The following SPART variants were observed in gnomAD, a reference collection of about 807,000 sequenced individuals.
The protein encoded by SPART is spastic paraplegia 20 (Troyer syndrome).
Under a neutral mutation model 58.7 loss-of-function variants are expected in SPART, and 35 were observed. That is an observed-to-expected ratio of 0.60 (90% CI 0.46 to 0.79). SPART has a LOEUF of 0.79. SPART is among the 30% of genes least tolerant of loss of function. SPART has a pLI of 0.00. For missense variants in SPART, 730 were observed against 786.1 expected, an observed-to-expected ratio of 0.93 and a Z score of 0.85; for synonymous variants, 284 against 280.7, an observed-to-expected ratio of 1.01 and a Z score of -0.12.
chr13:36,312,340 C>A lies in SPART; in HGVS notation c.1621G>T (p.Val541Leu). The change falls in exon 7 of 9, where the codon GTA becomes TTA. Residue 541 changes from valine to leucine, a missense_variant. Transcript: ENST00000438666. ...GKSPLDGAMV[V>L]AASSVQGFST... ...TTACCTTGAACACTACTTGCTGCTA[C>A]AACCATAGCACCATCCAGAGGAGAT... 1 of 1,614,102 alleles carries A rather than the reference C, an allele frequency of 6.2e-7. No homozygotes were observed. Among genetic ancestry groups the A allele is most frequent in the Non-Finnish European group, 8.5e-7 (1 of 1,179,992 alleles).
rs755382141 is a variant in SPART at position 36,335,226 on chromosome 13, T to C, written c.605A>G (p.Tyr202Cys). 2 of 1,614,100 alleles carry C rather than the reference T, an allele frequency of 1.2e-6. No individual in the cohort carries two copies. The highest frequency in any genetic ancestry group is 1.7e-6 in the Non-Finnish European group (2 of 1,180,020). The change falls in exon 2 of 9, where the codon TAT becomes TGT. Residue 202 changes from tyrosine to cysteine, a missense_variant. By Grantham distance (194) the Tyr-to-Cys change is radical. Transcript: ENST00000438666. ...AGGCGGTGGCTGAGAATGATTCCTATAAAACTCCTCTCCAACTGATGAAAA... is the reference window on the plus strand; with the variant it reads ...AGGCGGTGGCTGAGAATGATTCCTACAAAACTCCTCTCCAACTGATGAAAA... ...GEFSSVGEEFYRNHSQPPPLE... is the reference protein window; with the variant it reads ...GEFSSVGEEFCRNHSQPPPLE...
At chr13:36,306,239 C>A (rs1281462145) in intron 8 of SPART, among the ~76,000 whole-genome samples, 1 of 152,144 alleles carries the variant, frequency 6.6e-6, no homozygotes, top group Non-Finnish European at 1.5e-5. Context: ...CTCAGCATTC[C>A]ACAGGATTTG....
chr13:36,332,447 T>A (rs999534863), intron 2 of SPART, among the ~76,000 whole-genome samples: 5 of 152,162 alleles, frequency 3.3e-5, no homozygotes, highest in Admixed American at 2.6e-4. Flanking sequence ...GAAGTTGCAG[T>A]GAGCCAAGAT....
Position 36,314,421 on chromosome 13 carries a change from C to A in SPART, c.1289G>T (p.Gly430Val). 1.9e-6 allele frequency: 3 copies of A among 1,613,890 alleles called. No homozygotes were observed. Among genetic ancestry groups the A allele is most frequent in the East Asian group, 2.2e-5 (1 of 44,872 alleles). Reference protein sequence around the residue: ...SEKVAHNILSGASWVSWGLVK... With the variant: ...SEKVAHNILSVASWVSWGLVK... The stretch of plus-strand genomic sequence containing the variant: ...TAAACCCCAACTCACCCAGGAAGCA[C>A]CTTTTTAAAAGAAAATTTAAAATTG... Residue 430 changes from glycine to valine, a missense_variant and splice_region_variant, in exon 6 of 9, where the codon GGT becomes GTT. Physicochemically the swap from Gly to Val is moderately radical, Grantham distance 109. Transcript: ENST00000438666.
In SPART at chr13:36,331,537, C is replaced by A; in HGVS notation, c.870G>T (p.Ala290=). ...TTGTATCAGGAAACATGTAGGCTCC[C>A]GCAGTACATTTCAGAACCGGAGATC... ...PDRSPVLKCT[A]GAYMFPDTML... Residue 290 remains alanine (A), a synonymous_variant, in exon 3 of 9, where the codon GCG becomes GCT. Transcript: ENST00000438666. 6.2e-7 allele frequency: 1 copy of A among 1,613,722 alleles called. No individual in the cohort carries two copies. Among genetic ancestry groups the A allele is most frequent in the Middle Eastern group, 1.6e-4 (1 of 6,062 alleles).
At chr13:36,315,056 G>C (rs1285597545) in intron 5 of SPART, among the ~76,000 whole-genome samples, 1 of 152,226 alleles carries the variant, frequency 6.6e-6, no homozygotes, top group East Asian at 1.9e-4. Flanking sequence ...AAATGCATGA[G>C]TAGAGAAAAT....
intron 1 of SPART, among the ~76,000 whole-genome samples, chr13:36,359,265 G>A (rs1442445274): frequency 6.6e-6 from 1 of 152,116 alleles, no homozygotes; most frequent in African/African-American, 2.4e-5. Context: ...TACATAACAC[G>A]GTCAAGGTCT....
At chr13:36,307,469 A>C (rs751498701) in intron 8 of SPART, among the ~76,000 whole-genome samples, 2 of 152,112 alleles carry the variant, frequency 1.3e-5, no homozygotes, top group Non-Finnish European at 2.9e-5. Flanking sequence ...TAGTACCAAA[A>C]ACCATAAAAC....
chr13:36,327,329 T>C (rs879427676), intron 4 of SPART, among the ~76,000 whole-genome samples: 2 of 152,134 alleles, frequency 1.3e-5, no homozygotes, highest in Non-Finnish European at 2.9e-5. Flanking sequence ...ATAGTATTAA[T>C]ATAATAAAAT....
intron 1 of SPART, among the ~76,000 whole-genome samples, chr13:36,337,665 CT>C (rs1445350254): frequency 6.6e-6 from 1 of 152,182 alleles, no homozygotes; most frequent in Non-Finnish European, 1.5e-5. Context: ...AGTACCCAGT[CT>C]TGGGCAGTTC....
upstream of SPART, among the ~76,000 whole-genome samples, chr13:36,349,050 G>A (rs1299038245): frequency 6.6e-6 from 1 of 152,164 alleles, no homozygotes; most frequent in African/African-American, 2.4e-5. Context: ...GATCACCTGA[G>A]GTCGGGAGTT....
intron 1 of SPART, among the ~76,000 whole-genome samples, chr13:36,340,442 G>A (rs1366460872): frequency 6.6e-6 from 1 of 151,792 alleles, no homozygotes; most frequent in East Asian, 1.9e-4. Flanking sequence ...AGAACACTAA[G>A]CTCAAAAGGA....
chr13:36,319,894 A>T (rs1427557459), intron 5 of SPART, among the ~76,000 whole-genome samples: 3 of 151,756 alleles, frequency 2.0e-5, no homozygotes, highest in Non-Finnish European at 4.4e-5. Context: ...TCTCATAAAA[A>T]CACACGTGCT....
intron 3 of SPART, among the ~76,000 whole-genome samples, chr13:36,330,796 T>C (rs1019980567): frequency 6.6e-6 from 1 of 152,180 alleles, no homozygotes; most frequent in Non-Finnish European, 1.5e-5. Context: ...TTTTAAATCA[T>C]ATTTTCTTTT....
intron 1 of SPART, among the ~76,000 whole-genome samples, chr13:36,353,753 T>G (rs982988943): frequency 6.6e-6 from 1 of 152,212 alleles, no homozygotes; most frequent in Admixed American, 6.5e-5. Context: ...AGGCAGATGT[T>G]TGACCATTTT....
At chr13:36,307,501 A>G (rs990849663) in intron 8 of SPART, among the ~76,000 whole-genome samples, 1 of 152,140 alleles carries the variant, frequency 6.6e-6, no homozygotes, top group Non-Finnish European at 1.5e-5. Context: ...TACAGGAAAA[A>G]AAGTCTATTA....
At position 36,343,918 on chromosome 13, in the gene SPART, A is replaced by G. The variant is rs1466712310; in HGVS notation, c.-3+2307T>C. Among the ~76,000 whole-genome samples the G allele has an allele frequency of 6.6e-5, 10 of 152,138 alleles. No homozygotes were observed. The South Asian group carries it at 8.3e-4, about 13-fold the overall frequency. ...TGAGCTCTCGCCTGTAATCCCAGCTACTGCACAGGCTGAGGCCGGAGGATC... is the reference window on the plus strand; with the variant it reads ...TGAGCTCTCGCCTGTAATCCCAGCTGCTGCACAGGCTGAGGCCGGAGGATC... On this transcript the variant is annotated intron_variant, in intron 1 of 8. Transcript: ENST00000438666.
intron 5 of SPART, among the ~76,000 whole-genome samples, chr13:36,316,585 TGACA>T (rs1426182102): frequency 1.3e-5 from 2 of 151,540 alleles, no homozygotes; most frequent in African/African-American, 2.4e-5. Context: ...CACTCCTACC[TGACA>T]GAGAACAAAC....
rs1420830304 is a variant in SPART, at chr13:36,302,543, T to C, written c.*1822A>G. ...CTGGATTTAGCCCATGGAGGATATT[T>C]GCTGACCTCTGGTCAAAGCTAACTG... is the stretch of plus-strand genomic sequence containing the variant. On this transcript the variant is annotated 3_prime_UTR_variant, in exon 9 of 9. Coordinates refer to ENST00000438666, the MANE Select transcript of SPART (RefSeq NM_015087.5). 1 of 152,248 alleles carries C rather than the reference T, an allele frequency of 6.6e-6. No homozygotes were observed. Among genetic ancestry groups the C allele is most frequent in the Non-Finnish European group, 1.5e-5 (1 of 68,038 alleles). 9.4% of individuals were successfully genotyped at this position (152,248 alleles called of 1,614,324 possible).
Sources: gnomAD v4.1 joint callset for allele counts (sites outside exome capture counted in the v4.1 genomes callset) on GRCh38, gnomAD v4.1.1 for gene constraint, MANE v1.5 for transcripts, NCBI Gene and HGNC (gene_info 2026-07-23, HGNC 2026-07-21) for gene names.